Variants in FLRT2 observed in about 807,000 individuals in gnomAD.
The protein encoded by FLRT2 is leucine-rich repeat transmembrane protein FLRT2.
Under a neutral mutation model 40.0 loss-of-function variants are expected in FLRT2, and 15 were observed. That is an observed-to-expected ratio of 0.38 (90% confidence interval 0.25 to 0.58). The LOEUF (loss-of-function observed/expected upper bound fraction) is 0.58, where lower values mean the gene tolerates loss of function less well. Among genes scored for constraint, FLRT2 ranks in the 20% least tolerant of loss-of-function variants. FLRT2 has a pLI of 0.71. For synonymous variants in FLRT2, 380 were observed against 336.8 expected (o/e 1.13, Z -1.41); for missense variants, 726 against 840.0 (o/e 0.86, Z 1.68).
chr14:85,535,424 G>A (rs1888589611), intron 1 of FLRT2, among the ~76,000 whole-genome samples: 1 of 151,032 alleles, frequency 6.6e-6, no homozygotes, highest in Non-Finnish European at 1.5e-5. Context: ...GATATATTAG[G>A]TTGTTCAGTG....
In FLRT2 at chr14:85,621,688, T is replaced by C. The variant is rs770305443; in HGVS notation, c.174T>C (p.Pro58=). ...ATGAGCGAAGCTTGACCTCAGTGCC[T>C]CTTGGGATCCCGGAGGGCGTAACTG... is the stretch of plus-strand genomic sequence containing the variant. The part of the protein sequence containing the change: ...YCNERSLTSV[P]LGIPEGVTVL... Residue 58 remains proline (P), a synonymous_variant, in exon 2 of 2, where the codon CCT becomes CCC. Transcript: ENST00000330753. 1 of 1,614,100 alleles carries C rather than the reference T, an allele frequency of 6.2e-7. No homozygotes were observed. The highest frequency in any genetic ancestry group is 8.5e-7 in the Non-Finnish European group (1 of 1,180,028).
At chr14:85,543,504 T>C (rs1048490120) in intron 1 of FLRT2, among the ~76,000 whole-genome samples, 1 of 150,992 alleles carries the variant, frequency 6.6e-6, no homozygotes, top group African/African-American at 2.4e-5. Flanking sequence ...GTACTGTTTT[T>C]GGTGTCCCCA....
In FLRT2 at chr14:85,651,894, A is replaced by C. The variant is rs905933768; in HGVS notation, c.*28397A>C. On this transcript the variant is annotated 3_prime_UTR_variant, in exon 2 of 2. Coordinates refer to ENST00000330753, the MANE Select transcript of FLRT2 (RefSeq NM_013231.6). ...CACTTTCTTAATTTCCTGAACAATA[A>C]AAGGAATTTCAAACATATTATTGGT... The C allele has an allele frequency of 6.6e-6, 1 of 152,094 alleles. No individual in the cohort carries two copies. Among genetic ancestry groups the C allele is most frequent in the Non-Finnish European group, 1.5e-5 (1 of 67,986 alleles). 9.4% of individuals were successfully genotyped at this position (152,094 alleles called of 1,614,324 possible).
At chr14:85,609,135 G>T (rs997028516) in intron 1 of FLRT2, among the ~76,000 whole-genome samples, 1 of 152,112 alleles carries the variant, frequency 6.6e-6, no homozygotes, top group African/African-American at 2.4e-5. Flanking sequence ...TTCCCAATCC[G>T]AACAAGCTTA....
chr14:85,600,277 C>T (rs1471359876), intron 1 of FLRT2, among the ~76,000 whole-genome samples: 2 of 152,126 alleles, frequency 1.3e-5, no homozygotes, highest in East Asian at 1.9e-4. Context: ...TCCAGATGGA[C>T]GTGTGTGGCT....
chr14:85,549,811 T>TA (rs2139822997), intron 1 of FLRT2, among the ~76,000 whole-genome samples: 1 of 1,562 alleles, frequency 6.4e-4, no homozygotes, highest in South Asian at 0.022. Context: ...CACATAGCTA[T>TA]TTTTTTTTTT....
intron 1 of FLRT2, among the ~76,000 whole-genome samples, chr14:85,579,555 G>T (rs55989920): frequency 2.6e-5 from 4 of 151,922 alleles, no homozygotes; most frequent in African/African-American, 9.7e-5. Context: ...CTAGTATCTC[G>T]TTTTCCAGCC....
intron 1 of FLRT2, among the ~76,000 whole-genome samples, chr14:85,557,367 G>A (rs892803036): frequency 4.6e-5 from 7 of 151,726 alleles, no homozygotes; most frequent in African/African-American, 1.5e-4. Context: ...GCACCTAACC[G>A]AGTATTGAAG....
At chr14:85,578,112 A>T (rs1421598079) in intron 1 of FLRT2, among the ~76,000 whole-genome samples, 1 of 145,830 alleles carries the variant, frequency 6.9e-6, no homozygotes, top group Non-Finnish European at 1.5e-5. Flanking sequence ...ATATATATTT[A>T]TATATATAAA....
chr14:85,571,227 C>A (rs1890879433), intron 1 of FLRT2, among the ~76,000 whole-genome samples: 1 of 152,058 alleles, frequency 6.6e-6, no homozygotes. Flanking sequence ...ATCATGTTAA[C>A]TTAGGGTCTG....
In FLRT2 at chr14:85,639,891, C is replaced by T. The variant is rs1894110746; in HGVS notation, c.*16394C>T. 1.4e-5 allele frequency: 2 copies of T among 147,890 alleles called. No homozygotes were observed. The highest frequency in any genetic ancestry group is 3.0e-5 in the Non-Finnish European group (2 of 66,962). The allele number at this position is 147,890 out of a possible 1,614,324, so 9.2% of individuals were successfully genotyped here. On this transcript the variant is annotated 3_prime_UTR_variant, in exon 2 of 2. Coordinates refer to ENST00000330753, the MANE Select transcript of FLRT2 (RefSeq NM_013231.6). Reference sequence around the variant, plus strand: ...TGAGACAGTGTCTCGCTCTGTCCCCCAGGCCAGAGTGCAGCGGCGTGATCT... The same window carrying T: ...TGAGACAGTGTCTCGCTCTGTCCCCTAGGCCAGAGTGCAGCGGCGTGATCT...
chr14:85,583,854 C>A (rs1203012657), intron 1 of FLRT2, among the ~76,000 whole-genome samples: 1 of 151,634 alleles, frequency 6.6e-6, no homozygotes, highest in East Asian at 1.9e-4. Context: ...TGGCTGAATG[C>A]AAAGGTGCGC....
chr14:85,562,629 T>TTTTTTG (rs1316393943), intron 1 of FLRT2: 1 of 148,660 alleles, frequency 6.7e-6, no homozygotes, highest in Non-Finnish European at 1.5e-5. Flanking sequence ...TCTTTTTTTT[T>TTTTTTG]TTTTTGAATC....
At chr14:85,585,609 C>T (rs375041768) in intron 1 of FLRT2, among the ~76,000 whole-genome samples, 90 of 152,026 alleles carry the variant, frequency 5.9e-4, no homozygotes, top group African/African-American at 2.1e-3. Flanking sequence ...TATGCATGTG[C>T]GTGTGTATAG....
At chr14:85,597,086 G>T (rs1566747166) in intron 1 of FLRT2, among the ~76,000 whole-genome samples, 1 of 152,098 alleles carries the variant, frequency 6.6e-6, no homozygotes, top group Non-Finnish European at 1.5e-5. Context: ...TATGACATAA[G>T]GCTTTGCTCA....
In FLRT2 at chr14:85,622,679, C is replaced by T. The variant is rs1307336657; in HGVS notation, c.1165C>T (p.Pro389Ser). 1 of 1,614,034 alleles carries T rather than the reference C, an allele frequency of 6.2e-7. No individual in the cohort carries two copies. The highest frequency in any genetic ancestry group is 8.5e-7 in the Non-Finnish European group (1 of 1,180,016). Residue 389 changes from proline to serine, a missense_variant, in exon 2 of 2, where the codon CCA becomes TCA. Physicochemically the swap from Pro to Ser is moderately conservative, Grantham distance 74. This residue lies in a region of FLRT2 where 611 missense variants were observed against 690.0 expected (regional missense o/e 0.89). Coordinates refer to ENST00000330753, the MANE Select transcript of FLRT2 (RefSeq NM_013231.6). ...PTTQPPTLSI[P>S]NPSRSYTPPT... ...CACTCAGCCTCCCACCCTCTCTATT[C>T]CAAACCCTAGCAGAAGCTACACGCC...
intron 1 of FLRT2, among the ~76,000 whole-genome samples, chr14:85,606,118 A>G (rs139468204): frequency 6.3e-4 from 96 of 152,264 alleles, no homozygotes; most frequent in African/African-American, 2.3e-3. Flanking sequence ...ATATTTCTTT[A>G]TATTATATAA....
rs1893946565 is a variant in FLRT2, at chr14:85,634,082, G to A, written c.*10585G>A. ...TATTAACAGGCATGCATCCTCTTCA[G>A]CTGGATCACGTTGTTTTCTTTCTGT... On this transcript the variant is annotated 3_prime_UTR_variant, in exon 2 of 2. Transcript: ENST00000330753. The A allele has an allele frequency of 6.6e-6, 1 of 152,210 alleles. No homozygotes were observed. The highest frequency in any genetic ancestry group is 2.4e-5 in the African/African-American group (1 of 41,444). 9.4% of individuals were successfully genotyped at this position (152,210 alleles called of 1,614,324 possible). A position where few individuals can be genotyped will look rare whatever the true frequency, so the allele number is the denominator to read the frequency against.
intron 1 of FLRT2, among the ~76,000 whole-genome samples, chr14:85,597,401 A>G (rs1250028428): frequency 6.6e-6 from 1 of 152,176 alleles, no homozygotes; most frequent in Non-Finnish European, 1.5e-5. Flanking sequence ...TATTACAAAC[A>G]TACGTGGTAA....
Sources: allele counts gnomAD v4.1 joint callset (sites outside exome capture counted in the v4.1 genomes callset), GRCh38; gene constraint gnomAD v4.1.1; regional missense constraint gnomAD v4.1.1; transcripts MANE v1.5; gene names NCBI Gene and HGNC (gene_info 2026-07-23, HGNC 2026-07-21).